Variants in BNC2 observed in about 807,000 individuals in gnomAD.
The protein encoded by BNC2 is basonuclin zinc finger protein 2, also known as zinc finger protein basonuclin-2.
BNC2 carries 20 observed loss-of-function variants against 76.3 expected under a neutral mutation model. The observed-to-expected ratio is 0.26, with a 90% CI of 0.18 to 0.38. BNC2 has a LOEUF of 0.38. Among genes scored for constraint, BNC2 ranks in the 10% least tolerant of loss-of-function variants. The probability of loss-of-function intolerance (pLI) is 1.00; values close to 1 mark genes in which losing one functional copy is unlikely to be tolerated. For synonymous variants in BNC2, 582 were observed against 514.8 expected (o/e 1.13, Z -1.77); for missense variants, 1,382 against 1,399.8 (o/e 0.99, Z 0.20).
intron 3 of BNC2, among the ~76,000 whole-genome samples, chr9:16,614,951 G>C (rs1448702085): frequency 8.3e-6 from 1 of 120,720 alleles, no homozygotes; most frequent in Non-Finnish European, 1.6e-5. Context: ...GTGAGACTCT[G>C]TCTCTTTAAA....
At chr9:16,781,669 T>C (rs1826158248) in intron 1 of BNC2, among the ~76,000 whole-genome samples, 3 of 152,212 alleles carry the variant, frequency 2.0e-5, no homozygotes, top group Non-Finnish European at 4.4e-5. Flanking sequence ...CGTGGCAGAA[T>C]TTTTAAAACA....
At position 16,752,655 on chromosome 9, in the gene BNC2, A is replaced by ATG. The variant is rs34595452; in HGVS notation, c.4-14171_4-14170insCA. On this transcript the variant is annotated intron_variant, in intron 1 of 6. Coordinates refer to ENST00000380672, the MANE Select transcript of BNC2 (RefSeq NM_017637.6). ...ACACAAGTTACAAAATAATCTGTAT[A>ATG]GTTTTCTTTTTATTCTAGATTCTCT... Among the ~76,000 whole-genome samples, 483 of 151,982 alleles carry ATG rather than the reference A, an allele frequency of 3.2e-3. 3 individuals are homozygous for ATG. The highest frequency in any genetic ancestry group is 0.011 in the African/African-American group (467 of 41,466).
intron 4 of BNC2, among the ~76,000 whole-genome samples, chr9:16,570,071 C>A (rs1444111071): frequency 1.3e-5 from 2 of 152,088 alleles, no homozygotes; most frequent in Non-Finnish European, 2.9e-5. Flanking sequence ...AATCACCCTA[C>A]CCCCCAGTTA....
chr9:16,430,142 G>A (rs532673457), intron 6 of BNC2: 26 of 409,844 alleles, frequency 6.3e-5, no homozygotes, highest in Non-Finnish European at 1.2e-4. Flanking sequence ...TGGAAGATAA[G>A]TACAAAAGGT....
chr9:16,436,249 T>C lies in BNC2; in HGVS notation c.1945A>G (p.Thr649Ala), dbSNP rs1587023216. 9 of 1,614,086 alleles carry C rather than the reference T, an allele frequency of 5.6e-6. No homozygotes were observed. The East Asian group carries it at 1.6e-4, about 28-fold the overall frequency. Residue 649 changes from threonine to alanine, a missense_variant, in exon 6 of 7, where the codon ACC becomes GCC. This residue lies in a region of BNC2 where 798 missense variants were observed against 775.5 expected (regional missense o/e 1.03). Coordinates refer to ENST00000380672, the MANE Select transcript of BNC2 (RefSeq NM_017637.6). ...TCTTCATCATCAAACTCATCGGCGGTATCAATAATTTCCTTCTCAATCTTC... is the reference window on the plus strand; with the variant it reads ...TCTTCATCATCAAACTCATCGGCGGCATCAATAATTTCCTTCTCAATCTTC... ...PVKIEKEIID[T>A]ADEFDDEDDD... is the part of the protein sequence containing the mutation.
At chr9:16,716,036 C>T (rs1469789787) in intron 3 of BNC2, among the ~76,000 whole-genome samples, 2 of 152,162 alleles carry the variant, frequency 1.3e-5, no homozygotes, top group Admixed American at 6.5e-5. Context: ...CCCAGCCTTA[C>T]AGAGTGGTTC....
At chr9:16,763,804 A>G (rs977594933) in intron 1 of BNC2, among the ~76,000 whole-genome samples, 1 of 152,152 alleles carries the variant, frequency 6.6e-6, no homozygotes, top group Non-Finnish European at 1.5e-5. Flanking sequence ...ACACCCCGCA[A>G]AAGAATGCTC....
rs576410241 is a variant in BNC2, at chr9:16,435,655, T to C, written c.2539A>G (p.Ser847Gly). ...VCKKSFKSSY[S>G]VKLHYRNVHL... ...ACGTTCCTGTAGTGAAGTTTCACAC[T>C]GTAGGAGCTTTTGAAACTCTTCTTG... The change falls in exon 6 of 7, where the codon AGT (serine) becomes GGT (glycine). Residue 847 changes from serine to glycine, a missense_variant. This residue lies in a region of BNC2 where 798 missense variants were observed against 775.5 expected (regional missense o/e 1.03). Coordinates refer to ENST00000380672, the MANE Select transcript of BNC2 (RefSeq NM_017637.6). 6.2e-7 allele frequency: 1 copy of C among 1,614,188 alleles called. No homozygotes were observed. Among genetic ancestry groups the C allele is most frequent in the Non-Finnish European group, 8.5e-7 (1 of 1,180,032 alleles).
chr9:16,841,548 C>T (rs1298928700), intron 1 of BNC2, among the ~76,000 whole-genome samples: 1 of 151,952 alleles, frequency 6.6e-6, no homozygotes, highest in East Asian at 1.9e-4. Flanking sequence ...CAAACCAGGG[C>T]ATAAGGTCTG....
Position 16,690,405 on chromosome 9 carries a change from C to T in BNC2, c.330+37392G>A, listed in dbSNP as rs77793546. 5.0e-3 allele frequency among the ~76,000 whole-genome samples: 763 copies of T among 152,146 alleles called. 11 individuals carry two copies. Among genetic ancestry groups the T allele is most frequent in the African/African-American group, 0.017 (716 of 41,484 alleles). ...CCAAGAGTTCAAAGTTAAAAGGAGC[C>T]GTGAGTGTGCCACTGCACTCCAGGC... On this transcript the variant is annotated intron_variant, in intron 3 of 6. Transcript: ENST00000380672.
At chr9:16,571,838 A>C (rs1020920871) in intron 4 of BNC2, among the ~76,000 whole-genome samples, 1 of 152,130 alleles carries the variant, frequency 6.6e-6, no homozygotes, top group African/African-American at 2.4e-5. Context: ...TCTGCAGACA[A>C]GAACATAATA....
intron 5 of BNC2, among the ~76,000 whole-genome samples, chr9:16,529,646 T>C (rs891467451): frequency 6.6e-6 from 1 of 152,144 alleles, no homozygotes; most frequent in South Asian, 2.1e-4. Flanking sequence ...CTAGTTGTTC[T>C]AGTGGAATAA....
At chr9:16,734,176 C>CT (rs1467154764) in intron 2 of BNC2, among the ~76,000 whole-genome samples, 16 of 152,262 alleles carry the variant, frequency 1.1e-4, no homozygotes, top group Admixed American at 1.0e-3. Context: ...GCCTTTAATT[C>CT]CGATTAACAT....
At chr9:16,750,627 A>C (rs1825162824) in intron 1 of BNC2, among the ~76,000 whole-genome samples, 1 of 152,206 alleles carries the variant, frequency 6.6e-6, no homozygotes, top group Non-Finnish European at 1.5e-5. Context: ...TCTACAACAG[A>C]ATATCCTTCT....
chr9:16,815,105 A>G (rs1345821217), intron 1 of BNC2, among the ~76,000 whole-genome samples: 1 of 152,224 alleles, frequency 6.6e-6, no homozygotes, highest in African/African-American at 2.4e-5. Context: ...CAGCCTTTGA[A>G]AAGCAGCTGC....
intron 1 of BNC2, among the ~76,000 whole-genome samples, chr9:16,784,230 T>C (rs1826222682): frequency 6.6e-6 from 1 of 152,196 alleles, no homozygotes; most frequent in Non-Finnish European, 1.5e-5. Flanking sequence ...GGAAGACAGC[T>C]GTGCAAACAG....
chr9:16,827,089 G>C (rs1203116817), intron 1 of BNC2, among the ~76,000 whole-genome samples: 1 of 152,194 alleles, frequency 6.6e-6, no homozygotes, highest in Non-Finnish European at 1.5e-5. Context: ...CCACAGCACT[G>C]ACTATAATGC....
chr9:16,600,510 G>C (rs1820215964), intron 3 of BNC2, among the ~76,000 whole-genome samples: 1 of 152,144 alleles, frequency 6.6e-6, no homozygotes, highest in Admixed American at 6.5e-5. Context: ...CCAGTCTATT[G>C]ACAAATTCAG....
intron 3 of BNC2, among the ~76,000 whole-genome samples, chr9:16,654,924 A>G (rs1821886516): frequency 6.6e-6 from 1 of 152,042 alleles, no homozygotes; most frequent in Admixed American, 6.6e-5. Flanking sequence ...ATGAAAATAA[A>G]AGTGAGTTAG....
Sources: allele counts gnomAD v4.1 joint callset (sites outside exome capture counted in the v4.1 genomes callset), GRCh38; gene constraint gnomAD v4.1.1; regional missense constraint gnomAD v4.1.1; transcripts MANE v1.5; gene names NCBI Gene and HGNC (gene_info 2026-07-23, HGNC 2026-07-21).